The following RASEF variants were observed in gnomAD, a reference collection of about 807,000 sequenced individuals.
RASEF encodes the protein ras and EF-hand domain-containing protein.
In RASEF, 68 loss-of-function variants were observed where a neutral mutation model predicts 90.1. The ratio of observed to expected loss-of-function variants is 0.75; its 90% CI spans 0.62 to 0.92. The LOEUF (loss-of-function observed/expected upper bound fraction) is 0.92, where lower values mean the gene tolerates loss of function less well. RASEF is among the 40% of genes least tolerant of loss of function. The pLI is 0.00. For synonymous variants in RASEF, 331 were observed against 345.2 expected, an observed-to-expected ratio of 0.96 and a Z score of 0.46; for missense variants, 949 against 937.2, an observed-to-expected ratio of 1.01 and a Z score of -0.16.
At chr9:83,073,374 C>T in the RASEF span, among the ~76,000 whole-genome samples, 1 of 151,796 alleles carries the variant, frequency 6.6e-6, no homozygotes, top group African/African-American at 2.4e-5. Flanking sequence ...ACCACCCCCA[C>T]CACCCCACCT....
the RASEF span, among the ~76,000 whole-genome samples, chr9:83,175,296 G>C: frequency 6.6e-6 from 1 of 151,996 alleles, no homozygotes; most frequent in African/African-American, 2.4e-5. Context: ...TTCCCAGTTT[G>C]TTTAATATTT....
intron 5 of RASEF, among the ~76,000 whole-genome samples, chr9:83,010,701 G>A (rs983698498): frequency 6.6e-6 from 1 of 152,146 alleles, no homozygotes; most frequent in Non-Finnish European, 1.5e-5. Flanking sequence ...TTAAAACTAA[G>A]TGGCTCCTGT....
At chr9:83,171,666 T>G in the RASEF span, among the ~76,000 whole-genome samples, 1 of 151,836 alleles carries the variant, frequency 6.6e-6, no homozygotes, top group East Asian at 1.9e-4. Context: ...AAGTTGTATG[T>G]GTCTAGGAAC....
the RASEF span, among the ~76,000 whole-genome samples, chr9:83,157,671 A>T: frequency 6.6e-6 from 1 of 152,204 alleles, no homozygotes; most frequent in African/African-American, 2.4e-5. Flanking sequence ...GCATAATATA[A>T]ATCTACAATT....
intron 1 of RASEF, among the ~76,000 whole-genome samples, chr9:83,058,195 T>A (rs1830136899): frequency 7.5e-6 from 1 of 133,152 alleles, no homozygotes. Context: ...TTTTTTTTTT[T>A]TTTTTGAGAA....
chr9:83,058,172 CTTTTTTTT>C (rs555842009), intron 1 of RASEF, among the ~76,000 whole-genome samples: 2 of 57,896 alleles, frequency 3.5e-5, no homozygotes, highest in South Asian at 6.8e-4. Context: ...GTATTTATGT[CTTTTTTTT>C]TTTTTTTTTT....
At chr9:83,100,917 C>G in the RASEF span, among the ~76,000 whole-genome samples, 1 of 152,126 alleles carries the variant, frequency 6.6e-6, no homozygotes, top group South Asian at 2.1e-4. Context: ...TTCAGTTACA[C>G]AAATGGCAAA....
intron 1 of RASEF, among the ~76,000 whole-genome samples, chr9:83,040,021 T>C (rs1279190690): frequency 6.6e-6 from 1 of 152,126 alleles, no homozygotes; most frequent in Non-Finnish European, 1.5e-5. Flanking sequence ...CTAGTGATAG[T>C]GAATAAGTCT....
At chr9:83,032,308 A>G (rs1403730866) in intron 1 of RASEF, among the ~76,000 whole-genome samples, 3 of 152,310 alleles carry the variant, frequency 2.0e-5, no homozygotes, top group South Asian at 4.1e-4. Flanking sequence ...AAGGGTGACA[A>G]GTAGTGACAA....
At chr9:83,186,846 G>C in the RASEF span, among the ~76,000 whole-genome samples, 2 of 151,722 alleles carry the variant, frequency 1.3e-5, no homozygotes, top group East Asian at 1.9e-4. Context: ...ATGATGTTTT[G>C]ACATCTTAAA....
the RASEF span, among the ~76,000 whole-genome samples, chr9:83,199,382 G>A: frequency 3.3e-5 from 5 of 151,886 alleles, no homozygotes; most frequent in African/African-American, 4.8e-5. Context: ...TCGCACCATC[G>A]CAGCCTGTCT....
At position 82,991,010 on chromosome 9, in the gene RASEF, C is replaced by T. The variant is rs144126068; in HGVS notation, c.2041-543G>A. On this transcript the variant is annotated intron_variant, in intron 15 of 16. Coordinates refer to ENST00000376447, the MANE Select transcript of RASEF (RefSeq NM_152573.4). Reference sequence around the variant, plus strand: ...TCTCCTGCTTCAAACCTTTCAATGCCTCCTGTTTGTCTTTAGGTAATGTGA... The same window carrying T: ...TCTCCTGCTTCAAACCTTTCAATGCTTCCTGTTTGTCTTTAGGTAATGTGA... Among the ~76,000 whole-genome samples the T allele has an allele frequency of 4.8e-3, 729 of 152,306 alleles. 3 individuals are homozygous for T. The highest frequency in any genetic ancestry group is 0.015 in the African/African-American group (622 of 41,566).
the RASEF span, among the ~76,000 whole-genome samples, chr9:83,118,791 TG>T: frequency 6.6e-6 from 1 of 152,174 alleles, no homozygotes; most frequent in East Asian, 1.9e-4. Context: ...AGCTAAAACT[TG>T]ACAAATGAAA....
the RASEF span, among the ~76,000 whole-genome samples, chr9:83,168,105 G>A: frequency 6.6e-6 from 1 of 152,244 alleles, no homozygotes; most frequent in East Asian, 1.9e-4. Context: ...GAAAGAAGGG[G>A]CACCAGAATT....
At chr9:83,024,103 G>A (rs575879438) in intron 2 of RASEF, among the ~76,000 whole-genome samples, 5 of 152,306 alleles carry the variant, frequency 3.3e-5, no homozygotes, top group Admixed American at 3.3e-4. Flanking sequence ...GGCTAAGCAT[G>A]CAAGGAATGG....
At position 83,004,694 on chromosome 9, in the gene RASEF, C is replaced by A; in HGVS notation, c.1114-108G>T. 6 of 666,838 alleles carry A rather than the reference C, an allele frequency of 9.0e-6. No individual in the cohort carries two copies. The South Asian group carries it at 1.1e-4, about 12-fold the overall frequency. 41.3% of individuals were successfully genotyped at this position (666,838 alleles called of 1,614,324 possible). ...TTTTTTAAAACTGTAGCACACTACT[C>A]AAACTTCTAATGTAACTAAAAGTTT... On this transcript the variant is annotated intron_variant, in intron 8 of 16. Transcript: ENST00000376447.
the RASEF span, among the ~76,000 whole-genome samples, chr9:83,077,216 T>C: frequency 6.6e-6 from 1 of 152,090 alleles, no homozygotes; most frequent in Non-Finnish European, 1.5e-5. Context: ...CAAATAAGAC[T>C]AAAAGAGACA....
At chr9:83,004,407 T>G in intron 9 of RASEF, 91 bp downstream of exon 9, 2 of 715,948 alleles carry the variant, frequency 2.8e-6, no homozygotes, top group Admixed American at 2.2e-5. Context: ...CCAAAGTATA[T>G]TCTATTATTT....
intron 14 of RASEF, among the ~76,000 whole-genome samples, chr9:82,994,956 T>A (rs1828885915): frequency 6.6e-6 from 1 of 152,166 alleles, no homozygotes; most frequent in Non-Finnish European, 1.5e-5. Context: ...ATATAAACTG[T>A]CCCTGTAGGA....
Sources: gnomAD v4.1 joint callset for allele counts (sites outside exome capture counted in the v4.1 genomes callset) on GRCh38, gnomAD v4.1.1 for gene constraint, MANE v1.5 for transcripts, NCBI Gene and HGNC (gene_info 2026-07-23, HGNC 2026-07-21) for gene names.